L3MBTL4: variants seen among roughly 807,000 people sequenced by gnomAD.
The protein encoded by L3MBTL4 is lethal(3)malignant brain tumor-like protein 4.
Under a neutral mutation model 84.5 loss-of-function variants are expected in L3MBTL4, and 70 were observed. That is an observed-to-expected ratio of 0.83 (90% CI 0.68 to 1.01). L3MBTL4 has a LOEUF of 1.01. Among genes scored for constraint, L3MBTL4 ranks in the 50% least tolerant of loss-of-function variants. L3MBTL4 has a pLI of 0.00. For missense variants in L3MBTL4, 715 were observed against 754.8 expected (o/e 0.95, Z 0.62); for synonymous variants, 274 against 259.8 (o/e 1.05, Z -0.52).
chr18:6,295,473 T>TCCTTC (rs1185865363), intron 4 of L3MBTL4, among the ~76,000 whole-genome samples: 1 of 151,618 alleles, frequency 6.6e-6, no homozygotes, highest in Non-Finnish European at 1.5e-5. Flanking sequence ...ACAAACATGT[T>TCCTTC]CCTTCCCTTT....
intron 16 of L3MBTL4, among the ~76,000 whole-genome samples, chr18:6,036,925 T>C (rs1051725408): frequency 6.6e-6 from 1 of 152,124 alleles, no homozygotes; most frequent in African/African-American, 2.4e-5. Flanking sequence ...CATGGTTGCT[T>C]TTGGATGTTT....
chr18:6,123,024 T>A (rs572576498), intron 14 of L3MBTL4, among the ~76,000 whole-genome samples: 3 of 152,326 alleles, frequency 2.0e-5, no homozygotes, highest in East Asian at 3.9e-4. Context: ...TAAAAGATTA[T>A]ATTTTCTTTT....
chr18:5,993,118 G>A (rs2053779289), intron 16 of L3MBTL4, among the ~76,000 whole-genome samples: 1 of 152,192 alleles, frequency 6.6e-6, no homozygotes, highest in Non-Finnish European at 1.5e-5. Flanking sequence ...CTCGTGGCCT[G>A]TTCTCTTTCC....
intron 13 of L3MBTL4, among the ~76,000 whole-genome samples, chr18:6,149,154 C>T (rs1242770895): frequency 1.3e-5 from 2 of 151,056 alleles, no homozygotes; most frequent in African/African-American, 2.4e-5. Context: ...CCTATCAACT[C>T]GTCATTTAGC....
intron 16 of L3MBTL4, among the ~76,000 whole-genome samples, chr18:5,983,365 C>T (rs1304823466): frequency 1.3e-5 from 2 of 152,158 alleles, no homozygotes; most frequent in Non-Finnish European, 2.9e-5. Context: ...ACTACCCAGT[C>T]GTAGATAACC....
chr18:6,335,792 T>G (rs901681827), intron 1 of L3MBTL4, among the ~76,000 whole-genome samples: 1 of 152,244 alleles, frequency 6.6e-6, no homozygotes, highest in Non-Finnish European at 1.5e-5. Flanking sequence ...TGCCATCTTG[T>G]GAAGAAGGTG....
chr18:6,397,044 T>A (rs2055301526), intron 1 of L3MBTL4: 1 of 152,142 alleles, frequency 6.6e-6, no homozygotes, highest in Admixed American at 6.5e-5. Flanking sequence ...TGATGAAGCA[T>A]GAGTAGAGAA....
At chr18:6,080,099 A>G (rs2058021757) in intron 16 of L3MBTL4, 1 of 152,418 alleles carries the variant, frequency 6.6e-6, no homozygotes, top group Admixed American at 6.5e-5. Context: ...AGAAAAGTCC[A>G]ATGGGTAACG....
intron 16 of L3MBTL4, among the ~76,000 whole-genome samples, chr18:6,050,611 CT>C (rs2056803162): frequency 2.0e-5 from 3 of 152,166 alleles, no homozygotes; most frequent in African/African-American, 7.2e-5. Context: ...CAAATATAAT[CT>C]GATGCCAGTG....
At chr18:6,221,735 C>T (rs183928710) in intron 10 of L3MBTL4, among the ~76,000 whole-genome samples, 72 of 152,318 alleles carry the variant, frequency 4.7e-4, no homozygotes, top group Non-Finnish European at 9.6e-4. Context: ...CTAGCTTTCA[C>T]TATCATTTTA....
At chr18:6,272,280 G>A (rs1392616640) in intron 4 of L3MBTL4, among the ~76,000 whole-genome samples, 1 of 152,206 alleles carries the variant, frequency 6.6e-6, no homozygotes, top group Non-Finnish European at 1.5e-5. Flanking sequence ...AGGAGTTTTA[G>A]GCTGCTAGGG....
At chr18:6,235,732 A>T (rs1216441573) in intron 10 of L3MBTL4, among the ~76,000 whole-genome samples, 2 of 152,224 alleles carry the variant, frequency 1.3e-5, no homozygotes, top group African/African-American at 4.8e-5. Flanking sequence ...TTTACAGGGA[A>T]TAAAAAAGTT....
At chr18:6,375,841 G>A (rs1208108936) in intron 1 of L3MBTL4, among the ~76,000 whole-genome samples, 2 of 152,102 alleles carry the variant, frequency 1.3e-5, no homozygotes, top group Non-Finnish European at 2.9e-5. Flanking sequence ...CTCCACTGGG[G>A]CAGCAATGTG....
At chr18:6,053,144 G>C (rs544629129) in intron 16 of L3MBTL4, among the ~76,000 whole-genome samples, 1 of 152,298 alleles carries the variant, frequency 6.6e-6, no homozygotes, top group South Asian at 2.1e-4. Context: ...TGCTAAGACA[G>C]TAAAATAATT....
chr18:6,254,555 A>G (rs1325636454), intron 5 of L3MBTL4, among the ~76,000 whole-genome samples: 2 of 151,572 alleles, frequency 1.3e-5, no homozygotes, highest in Non-Finnish European at 2.9e-5. Context: ...TTAAACTTTC[A>G]TTTTAGAGAC....
Position 6,071,801 on chromosome 18 carries a change from GAA to G in L3MBTL4, c.1444+9078_1444+9079del, listed in dbSNP as rs371238580. Reference sequence around the variant, plus strand: ...AGAAAGAAAGAAAGAAAGAAAGAAAGAAAAAGAAAGAAAGGAAAGAAAGAAAG... The same window carrying G: ...AGAAAGAAAGAAAGAAAGAAAGAAAGAAAGAAAGAAAGGAAAGAAAGAAAG... On this transcript the variant is annotated intron_variant, in intron 16 of 18. Transcript: ENST00000317931. 1.1e-3 allele frequency among the ~76,000 whole-genome samples: 130 copies of G among 117,988 alleles called. 2 individuals carry two copies. The highest frequency in any genetic ancestry group is 4.1e-3 in the Middle Eastern group (1 of 244). The allele number at this position is 117,988 out of a possible 152,430, so 77.4% of individuals were successfully genotyped here. A position where few individuals can be genotyped will look rare whatever the true frequency, so the allele number is the denominator to read the frequency against.
chr18:6,172,919 A>C (rs971114924), intron 12 of L3MBTL4, among the ~76,000 whole-genome samples: 5 of 152,202 alleles, frequency 3.3e-5, no homozygotes, highest in African/African-American at 1.2e-4. Context: ...TTCAGTCCCA[A>C]ATAAACTCCC....
chr18:6,049,569 C>T (rs1355902438), intron 16 of L3MBTL4, among the ~76,000 whole-genome samples: 5 of 152,180 alleles, frequency 3.3e-5, no homozygotes, highest in South Asian at 2.1e-4. Context: ...TTTGCAACAA[C>T]GTGGATGCAG....
At chr18:6,199,409 C>T (rs2045552718) in intron 12 of L3MBTL4, among the ~76,000 whole-genome samples, 1 of 152,210 alleles carries the variant, frequency 6.6e-6, no homozygotes, top group African/African-American at 2.4e-5. Flanking sequence ...TGCCCAACAG[C>T]CACATGCAGC....
Sources: gnomAD v4.1 joint callset for allele counts (sites outside exome capture counted in the v4.1 genomes callset) on GRCh38, gnomAD v4.1.1 for gene constraint, MANE v1.5 for transcripts, NCBI Gene and HGNC (gene_info 2026-07-23, HGNC 2026-07-21) for gene names.